CERS1: variants seen among roughly 807,000 people sequenced by gnomAD.
CERS1 encodes the protein Embryonic growth/differentiation factor 1.
In CERS1, 16 loss-of-function variants were observed where a neutral mutation model predicts 35.7. The ratio of observed to expected loss-of-function variants is 0.45; its 90% CI spans 0.30 to 0.68. CERS1 has a LOEUF of 0.68. CERS1 is among the 30% of genes least tolerant of loss of function. CERS1 has a pLI of 0.08. For synonymous variants in CERS1, 243 were observed against 201.6 expected, an observed-to-expected ratio of 1.21 and a Z score of -1.74; for missense variants, 454 against 453.9, an observed-to-expected ratio of 1.00 and a Z score of 0.00.
Position 18,885,678 on chromosome 19 carries a change from CCTGG to C in CERS1, c.410-1415_410-1412del, listed in dbSNP as rs536315515. ...GGGATTACAGGCACCCACCACCATG[CCTGG>C]CTAATTTTTTTTTTTTTCAGTAGAG... On this transcript the variant is annotated intron_variant, in intron 2 of 7. Coordinates refer to ENST00000623882, the MANE Select transcript of CERS1 (RefSeq NM_021267.5). 2.5e-3 allele frequency among the ~76,000 whole-genome samples: 385 copies of C among 151,556 alleles called. 1 individual carries two copies. Among genetic ancestry groups the C allele is most frequent in the African/African-American group, 8.9e-3 (366 of 41,166 alleles).
rs1421396867 is a variant in CERS1 at position 18,869,240 on chromosome 19, G to C, written c.*745C>G. Reference sequence around the variant, plus strand: ...CACGCTCAGCTCCCAGCCGCCCTCCGGGGCTGCCGCCGCCGCCGCCGCGAA... The same window carrying C: ...CACGCTCAGCTCCCAGCCGCCCTCCCGGGCTGCCGCCGCCGCCGCCGCGAA... On this transcript the variant is annotated 3_prime_UTR_variant, in exon 8 of 8. Transcript: ENST00000623882. 3.4e-5 allele frequency: 48 copies of C among 1,419,656 alleles called. No individual in the cohort carries two copies. Among genetic ancestry groups the C allele is most frequent in the Non-Finnish European group, 4.1e-5 (45 of 1,098,060 alleles). 87.9% of individuals were successfully genotyped at this position (1,419,656 alleles called of 1,614,324 possible).
In CERS1 at chr19:18,878,693, C is replaced by T; in HGVS notation, c.1010+237G>A. On this transcript the variant is annotated intron_variant, in intron 6 of 7. Coordinates refer to ENST00000623882, the MANE Select transcript of CERS1 (RefSeq NM_021267.5). This position sits in a 1 kb window ranked among gnomAD's most constrained non-coding sequence, Gnocchi z 4.6. ...CAGTGTCCCTACCGCTGAGACCCTG[C>T]CTGTCGCCCTGCCTGCCCCTCCCCA... 7.4e-7 allele frequency: 1 copy of T among 1,356,480 alleles called. No individual in the cohort carries two copies. The highest frequency in any genetic ancestry group is 9.5e-7 in the Non-Finnish European group (1 of 1,049,964). 84.0% of individuals were successfully genotyped at this position (1,356,480 alleles called of 1,614,324 possible).
chr19:18,878,788 A>C lies in CERS1; in HGVS notation c.1010+142T>G. On this transcript the variant is annotated intron_variant, in intron 6 of 7. Transcript: ENST00000623882. The surrounding 1 kb of genome is among the most constrained non-coding windows in gnomAD (Gnocchi z 4.6). ...GCCACATCGTCCACGCCTTTATTGC[A>C]GTCTCTGTTTTGGAGTAGGCTTGGG... The C allele has an allele frequency of 1.4e-6, 2 of 1,463,354 alleles. No homozygotes were observed. Among genetic ancestry groups the C allele is most frequent in the Non-Finnish European group, 1.8e-6 (2 of 1,107,288 alleles). The allele number at this position is 1,463,354 out of a possible 1,614,324, so 90.6% of individuals were successfully genotyped here.
At chr19:18,874,474 C>G (rs2056027332) in intron 6 of CERS1, among the ~76,000 whole-genome samples, 1 of 152,118 alleles carries the variant, frequency 6.6e-6, no homozygotes, top group African/African-American at 2.4e-5. Context: ...CAGCCCAGTT[C>G]TTTAGAACTG....
Position 18,885,529 on chromosome 19 carries a change from T to TG in CERS1, c.410-1263_410-1262insC, listed in dbSNP as rs1568302770. 1.1e-3 allele frequency among the ~76,000 whole-genome samples: 160 copies of TG among 148,906 alleles called. 3 individuals are homozygous for TG. The highest frequency in any genetic ancestry group is 3.5e-3 in the African/African-American group (140 of 40,034). On this transcript the variant is annotated intron_variant, in intron 2 of 7. Coordinates refer to ENST00000623882, the MANE Select transcript of CERS1 (RefSeq NM_021267.5). The stretch of plus-strand genomic sequence containing the variant: ...CCTTCTCGTTTTTTTTTTTTTTTTT[T>TG]TTTTTTTTGAGATGGAGTCTTGCTC...
chr19:18,884,261 G>A lies in CERS1; in HGVS notation c.416C>T (p.Thr139Met), dbSNP rs780713994. The change falls in exon 3 of 8, where the codon ACG becomes ATG. Residue 139 changes from threonine to methionine, a missense_variant. By Grantham distance (81) the Thr-to-Met change is moderately conservative (BLOSUM62 -1). Transcript: ENST00000623882. The stretch of plus-strand genomic sequence containing the variant: ...GTCCCGTGGCACTGCCATGCCCGGC[G>A]TCCAGTCTGGGGAGAGCCAAATCTC... ...HDPPSVFYDW[T>M]PGMAVPRDIA... is the part of the protein sequence containing the mutation. 4.0e-5 allele frequency: 65 copies of A among 1,611,144 alleles called. No homozygotes were observed. The highest frequency in any genetic ancestry group is 5.1e-5 in the Non-Finnish European group (60 of 1,179,248).
intron 2 of CERS1, among the ~76,000 whole-genome samples, chr19:18,888,372 G>A (rs553458843): frequency 6.0e-5 from 9 of 150,368 alleles, no homozygotes; most frequent in Non-Finnish European, 1.3e-4. Context: ...AAAAAAATTA[G>A]CTGGGTGTGG....
chr19:18,895,778 T>C lies in CERS1; in HGVS notation c.249+46A>G. The C allele has an allele frequency of 1.9e-6, 2 of 1,078,252 alleles. No individual in the cohort carries two copies. The highest frequency in any genetic ancestry group is 2.3e-6 in the Non-Finnish European group (2 of 861,704). 66.8% of individuals were successfully genotyped at this position (1,078,252 alleles called of 1,614,324 possible). A position where few individuals can be genotyped will look rare whatever the true frequency, so the allele number is the denominator to read the frequency against. On this transcript the variant is annotated intron_variant, in intron 1 of 7. Transcript: ENST00000623882. The surrounding 1 kb of genome is among the most constrained non-coding windows in gnomAD (Gnocchi z 6.4). Reference sequence around the variant, plus strand: ...CGGCCCCAGGTCCCCGGTCCCGGCTTCCCCCAGTCCGGGGTCCCCTCGTCC... The same window carrying C: ...CGGCCCCAGGTCCCCGGTCCCGGCTCCCCCCAGTCCGGGGTCCCCTCGTCC...
intron 7 of CERS1, 98 bp from the exon 8 acceptor site, chr19:18,869,488 G>A (rs1017324676): frequency 1.4e-6 from 2 of 1,432,178 alleles, no homozygotes; most frequent in South Asian, 1.3e-5. Flanking sequence ...GCTGGGGCTC[G>A]GGGCGCACCG....
At chr19:18,881,509 C>T (rs2056207873) in intron 3 of CERS1, among the ~76,000 whole-genome samples, 1 of 151,322 alleles carries the variant, frequency 6.6e-6, no homozygotes, top group South Asian at 2.1e-4. Flanking sequence ...TGTGAGCCAC[C>T]GTGCCCGGCC....
chr19:18,875,932 T>G (rs2056053035), intron 6 of CERS1, among the ~76,000 whole-genome samples: 1 of 152,254 alleles, frequency 6.6e-6, no homozygotes, highest in African/African-American at 2.4e-5. Context: ...ACCGCCCAGC[T>G]GACCTTGATT....
Position 18,868,913 on chromosome 19 carries a change from C to G in CERS1, c.*1072G>C. The G allele has an allele frequency of 7.3e-7, 1 of 1,370,566 alleles. No individual in the cohort carries two copies. Among genetic ancestry groups the G allele is most frequent in the Non-Finnish European group, 9.5e-7 (1 of 1,052,704 alleles). 84.9% of individuals were successfully genotyped at this position (1,370,566 alleles called of 1,614,324 possible). A position where few individuals can be genotyped will look rare whatever the true frequency, so the allele number is the denominator to read the frequency against. On this transcript the variant is annotated 3_prime_UTR_variant, in exon 8 of 8. Coordinates refer to ENST00000623882, the MANE Select transcript of CERS1 (RefSeq NM_021267.5). ...GAAGCTCACGTACAGCCGCCGCGCG[C>G]GACAAGCGCCCCCGGGGCCGCCGCC...
chr19:18,869,539 G>A, intron 7 of CERS1, 149 bp from the exon 8 acceptor site: 1 of 1,048,536 alleles, frequency 9.5e-7, no homozygotes, highest in African/African-American at 1.7e-5. Flanking sequence ...GGCTGATGGA[G>A]TGGGGGCAGG....
chr19:18,869,018 G>A lies in CERS1; in HGVS notation c.*967C>T. The stretch of plus-strand genomic sequence containing the variant: ...GTCGAGGGTCACCAGCAGCAGCGAG[G>A]CCTCGGCCAGGCGCGCGCAGGCGGC... On this transcript the variant is annotated 3_prime_UTR_variant, in exon 8 of 8. Coordinates refer to ENST00000623882, the MANE Select transcript of CERS1 (RefSeq NM_021267.5). The A allele has an allele frequency of 9.2e-7, 1 of 1,087,350 alleles. No homozygotes were observed. The highest frequency in any genetic ancestry group is 1.1e-6 in the Non-Finnish European group (1 of 896,408). 67.4% of individuals were successfully genotyped at this position (1,087,350 alleles called of 1,614,324 possible).
chr19:18,873,801 A>G (rs3746265), intron 6 of CERS1, among the ~76,000 whole-genome samples: 68,952 of 149,380 alleles, frequency 0.46, 16,103 homozygotes, highest in South Asian at 0.6. Flanking sequence ...AGATCTCACC[A>G]CTGTACTCCA....
At chr19:18,887,477 C>A (rs1046696146) in intron 2 of CERS1, among the ~76,000 whole-genome samples, 1 of 152,116 alleles carries the variant, frequency 6.6e-6, no homozygotes, top group Non-Finnish European at 1.5e-5. Flanking sequence ...ATGAACTGTT[C>A]GCTTTAAAAT....
At chr19:18,890,467 TGTGA>T (rs779763325) in intron 2 of CERS1, among the ~76,000 whole-genome samples, 31 of 152,130 alleles carry the variant, frequency 2.0e-4, no homozygotes, top group Admixed American at 3.3e-4. Context: ...TCAGCTAACT[TGTGA>T]GTGTCATTTA....
chr19:18,893,352 C>T, intron 2 of CERS1, 64 bp downstream of exon 2: 1 of 1,514,288 alleles, frequency 6.6e-7, no homozygotes, highest in East Asian at 2.5e-5. Context: ...GTAGCTGGGA[C>T]CACAAGCCTG....
At chr19:18,877,472 C>T (rs1035626300) in intron 6 of CERS1, among the ~76,000 whole-genome samples, 3 of 152,196 alleles carry the variant, frequency 2.0e-5, no homozygotes, top group Admixed American at 6.5e-5. Flanking sequence ...CGACTCAGGC[C>T]GGCTGCAGTG....
Sources: allele counts gnomAD v4.1 joint callset (sites outside exome capture counted in the v4.1 genomes callset), GRCh38; gene constraint gnomAD v4.1.1; non-coding constraint Gnocchi (gnomAD v3.1); transcripts MANE v1.5; gene names NCBI Gene and HGNC (gene_info 2026-07-23, HGNC 2026-07-21).